Variants in CAMSAP2 observed in about 807,000 individuals in gnomAD.
CAMSAP2 encodes the protein calmodulin regulated spectrin associated protein family member 2, also known as calmodulin-regulated spectrin-associated protein 2.
Under a neutral mutation model 146.1 loss-of-function variants are expected in CAMSAP2, and 26 were observed. The observed-to-expected ratio is 0.18, with a 90% CI of 0.13 to 0.25. CAMSAP2 has a LOEUF of 0.25. CAMSAP2 is among the 10% of genes least tolerant of loss of function. The probability of loss-of-function intolerance (pLI) is 1.00; values close to 1 mark genes in which losing one functional copy is unlikely to be tolerated. For synonymous variants in CAMSAP2, 499 were observed against 596.6 expected (o/e 0.84, Z 2.38); for missense variants, 1,381 against 1,759.3 (o/e 0.78, Z 3.85).
Position 200,848,935 on chromosome 1 carries a change from T to C in CAMSAP2, c.2166T>C (p.Pro722=). 2 of 1,614,174 alleles carry C rather than the reference T, an allele frequency of 1.2e-6. No homozygotes were observed. Among genetic ancestry groups the C allele is most frequent in the Non-Finnish European group, 1.7e-6 (2 of 1,180,022 alleles). Residue 722 remains proline, a synonymous_variant, in exon 11 of 17, where the codon CCT becomes CCC. Coordinates refer to ENST00000358823, the MANE Select transcript of CAMSAP2 (RefSeq NM_203459.4). ...CAGAAGGCTCTGAACTTAATATTCC[T>C]CATGTGGTTGCTTGGGCACAAATTC... is the stretch of plus-strand genomic sequence containing the variant. ...TTPEGSELNI[P]HVVAWAQIPE...
In CAMSAP2 at chr1:200,857,909, A is replaced by T. The variant is rs1667787179; in HGVS notation, c.4287A>T (p.Gly1429=). The stretch of plus-strand genomic sequence containing the variant: ...CTATCACTAAAAAAATGATTGAAGG[A>T]CTTTACAAATATAATTCTGACAGGA... ...PKSITKKMIE[G]LYKYNSDRKQ... is the part of the protein sequence containing the mutation. The change falls in exon 17 of 17, where the codon GGA becomes GGT. Residue 1429 remains glycine, a synonymous_variant. Transcript: ENST00000358823. The surrounding 1 kb of genome is among the most constrained non-coding windows in gnomAD (Gnocchi z 4.7). The T allele has an allele frequency of 6.2e-7, 1 of 1,613,916 alleles. No homozygotes were observed. Among genetic ancestry groups the T allele is most frequent in the East Asian group, 2.2e-5 (1 of 44,854 alleles).
intron 1 of CAMSAP2, among the ~76,000 whole-genome samples, chr1:200,757,392 T>C (rs532184577): frequency 1.8e-4 from 28 of 152,336 alleles, no homozygotes; most frequent in Admixed American, 1.4e-3. Context: ...TCAGGACTTA[T>C]AGTAGCATGA....
At chr1:200,783,478 A>G (rs1369830461) in intron 2 of CAMSAP2, among the ~76,000 whole-genome samples, 6 of 151,668 alleles carry the variant, frequency 4.0e-5, no homozygotes, top group Non-Finnish European at 8.8e-5. Flanking sequence ...TGTGGTTCAC[A>G]TTTTCTTTTC....
intron 4 of CAMSAP2, among the ~76,000 whole-genome samples, chr1:200,821,251 T>C (rs1463775421): frequency 1.3e-5 from 2 of 151,730 alleles, no homozygotes; most frequent in Non-Finnish European, 2.9e-5. Context: ...AGCGAGATCA[T>C]GGCTCACTGC....
At chr1:200,828,562 T>G in intron 4 of CAMSAP2, 2 of 1,549,764 alleles carry the variant, frequency 1.3e-6, no homozygotes, top group Non-Finnish European at 1.7e-6. Context: ...TTCCCGCTGC[T>G]TCCTCTGAAG....
intron 2 of CAMSAP2, among the ~76,000 whole-genome samples, chr1:200,796,541 T>A (rs931691632): frequency 6.6e-6 from 1 of 152,182 alleles, no homozygotes; most frequent in Admixed American, 6.5e-5. Context: ...TTACTTTGTA[T>A]ACCAATTTAG....
chr1:200,843,570 T>A (rs1299328129), intron 7 of CAMSAP2, among the ~76,000 whole-genome samples: 1 of 152,218 alleles, frequency 6.6e-6, no homozygotes, highest in Non-Finnish European at 1.5e-5. Context: ...TTCACTACAT[T>A]GCTTTCTGTG....
chr1:200,833,978 T>C (rs1159734173), intron 6 of CAMSAP2, among the ~76,000 whole-genome samples: 1 of 152,222 alleles, frequency 6.6e-6, no homozygotes. Flanking sequence ...TGCTGTCAGA[T>C]TGTGTTAAAA....
intron 2 of CAMSAP2, among the ~76,000 whole-genome samples, chr1:200,806,600 T>C (rs1426159206): frequency 2.0e-5 from 3 of 152,166 alleles, no homozygotes; most frequent in Non-Finnish European, 4.4e-5. Flanking sequence ...GTAACATTGT[T>C]GGTAATGCCA....
At chr1:200,775,678 C>A (rs561840520) in intron 2 of CAMSAP2, among the ~76,000 whole-genome samples, 121 of 152,126 alleles carry the variant, frequency 8.0e-4, no homozygotes, top group African/African-American at 2.8e-3. Context: ...TACAGGCACA[C>A]GCCACCACAC....
At position 200,847,226 on chromosome 1, in the gene CAMSAP2, T is replaced by C; in HGVS notation, c.1126T>C (p.Phe376Leu). Residue 376 changes from phenylalanine (F) to leucine (L), a missense_variant, in exon 9 of 17, where the codon TTT becomes CTT. By Grantham distance (22) the Phe-to-Leu change is conservative. Coordinates refer to ENST00000358823, the MANE Select transcript of CAMSAP2 (RefSeq NM_203459.4). Reference sequence around the variant, plus strand: ...CCATTGCAGTGGGGAAGGAGCTACATTTACACAGTCTCATCATCATTTGCC... The same window carrying C: ...CCATTGCAGTGGGGAAGGAGCTACACTTACACAGTCTCATCATCATTTGCC... ...DFPSSGEGAT[F>L]TQSHHHLPSR... 1 of 1,610,808 alleles carries C rather than the reference T, an allele frequency of 6.2e-7. No homozygotes were observed. Among genetic ancestry groups the C allele is most frequent in the African/African-American group, 1.3e-5 (1 of 74,996 alleles).
intron 4 of CAMSAP2, among the ~76,000 whole-genome samples, chr1:200,829,069 C>T (rs775566743): frequency 2.9e-4 from 44 of 152,048 alleles, no homozygotes; most frequent in Non-Finnish European, 2.1e-4. Flanking sequence ...GCAGGAGAAT[C>T]GCTTGAACCA....
chr1:200,829,432 G>A (rs533455500), intron 4 of CAMSAP2, among the ~76,000 whole-genome samples: 73 of 152,090 alleles, frequency 4.8e-4, no homozygotes, highest in Admixed American at 2.8e-3. Context: ...TTCCTTTTCA[G>A]CTTGAATTAT....
At chr1:200,745,698 T>C (rs1458707984) in intron 1 of CAMSAP2, among the ~76,000 whole-genome samples, 2 of 152,152 alleles carry the variant, frequency 1.3e-5, no homozygotes, top group African/African-American at 2.4e-5. Flanking sequence ...GTCTCAAACT[T>C]TGGGGTCAAG....
At chr1:200,762,428 A>T (rs16847180) in intron 2 of CAMSAP2, among the ~76,000 whole-genome samples, 19,294 of 152,094 alleles carry the variant, frequency 0.13, 1,250 homozygotes, top group East Asian at 0.17. Flanking sequence ...ATCATATGTG[A>T]ACAGTTTGCC....
At chr1:200,811,048 C>T (rs1467656232) in intron 3 of CAMSAP2, among the ~76,000 whole-genome samples, 1 of 152,184 alleles carries the variant, frequency 6.6e-6, no homozygotes, top group Non-Finnish European at 1.5e-5. Context: ...ATACCCATTC[C>T]TAACCCGAAA....
rs59144711 is a variant in CAMSAP2 at position 200,803,618 on chromosome 1, TA to T, written c.400-3746del. 9.8e-3 allele frequency among the ~76,000 whole-genome samples: 1,370 copies of T among 139,320 alleles called. 11 individuals are homozygous for T. Among genetic ancestry groups the T allele is most frequent in the African/African-American group, 0.027 (1,046 of 38,556 alleles). The allele number at this position is 139,320 out of a possible 152,430, so 91.4% of individuals were successfully genotyped here. A position where few individuals can be genotyped will look rare whatever the true frequency, so the allele number is the denominator to read the frequency against. ...ACTATCATATTGTAAAGTTAAGAAGTAAAAAAAAAAAATCACACTAAAATGT... is the reference window on the plus strand; with the variant it reads ...ACTATCATATTGTAAAGTTAAGAAGTAAAAAAAAAAATCACACTAAAATGT... On this transcript the variant is annotated intron_variant, in intron 2 of 16. Coordinates refer to ENST00000358823, the MANE Select transcript of CAMSAP2 (RefSeq NM_203459.4).
chr1:200,771,111 A>G (rs906720087), intron 2 of CAMSAP2, among the ~76,000 whole-genome samples: 1 of 152,222 alleles, frequency 6.6e-6, no homozygotes, highest in Non-Finnish European at 1.5e-5. Context: ...GAGAGGCGAT[A>G]GCAAAGAAGG....
chr1:200,758,395 T>C (rs1405689970), intron 1 of CAMSAP2, among the ~76,000 whole-genome samples: 1 of 152,218 alleles, frequency 6.6e-6, no homozygotes, highest in East Asian at 1.9e-4. Context: ...TTCTGTTTAT[T>C]TCCTACAATA....
Sources: gnomAD v4.1 joint callset for allele counts (sites outside exome capture counted in the v4.1 genomes callset) on GRCh38, gnomAD v4.1.1 for gene constraint, Gnocchi (gnomAD v3.1) non-coding constraint, MANE v1.5 for transcripts, NCBI Gene and HGNC (gene_info 2026-07-23, HGNC 2026-07-21) for gene names.